CALD1: variants seen among roughly 807,000 people sequenced by gnomAD.
CALD1 encodes the protein caldesmon.
A neutral mutation model predicts 99.9 loss-of-function variants in CALD1; 33 were observed. The ratio of observed to expected loss-of-function variants is 0.33; its 90% CI spans 0.25 to 0.44. The LOEUF is 0.44. Among genes scored for constraint, CALD1 ranks in the 20% least tolerant of loss-of-function variants. The pLI, the probability that CALD1 is intolerant of heterozygous loss-of-function variation, is 1.00. For synonymous variants in CALD1, 310 were observed against 325.0 expected (o/e 0.95, Z 0.50); for missense variants, 861 against 962.1 (o/e 0.89, Z 1.39).
At chr7:134,756,976 C>T (rs1054214875) in intron 1 of CALD1, among the ~76,000 whole-genome samples, 9 of 152,140 alleles carry the variant, frequency 5.9e-5, no homozygotes, top group African/African-American at 2.2e-4. Flanking sequence ...TTTTTCTAGG[C>T]ACTTTACTGA....
chr7:134,846,379 TG>T (rs1799854183), intron 2 of CALD1, among the ~76,000 whole-genome samples: 1 of 152,182 alleles, frequency 6.6e-6, no homozygotes, highest in African/African-American at 2.4e-5. Context: ...AGGGTTTCCC[TG>T]CCAGACCAGA....
chr7:134,960,087 C>T lies in CALD1; in HGVS notation c.2175C>T (p.Pro725=), dbSNP rs755376761. 31 of 1,614,010 alleles carry T rather than the reference C, an allele frequency of 1.9e-5. No individual in the cohort carries two copies. The highest frequency in any genetic ancestry group is 2.5e-5 in the Non-Finnish European group (30 of 1,179,994). The stretch of plus-strand genomic sequence containing the variant: ...AGAAAGGGAATGTGTTTTCATCCCC[C>T]ACTGCAGCAGGCACACCAAATAAGG... ...MWEKGNVFSS[P]TAAGTPNKET... is the part of the protein sequence containing the mutation. The change falls in exon 12 of 15, where the codon CCC becomes CCT. Residue 725 remains proline, a synonymous_variant. Transcript: ENST00000361675.
chr7:134,718,619 TATG>T, the CALD1 span, among the ~76,000 whole-genome samples: 1 of 152,178 alleles, frequency 6.6e-6, no homozygotes, highest in African/African-American at 2.4e-5. Flanking sequence ...AAAGGCTTGT[TATG>T]CATTAAAAAT....
intron 3 of CALD1, among the ~76,000 whole-genome samples, chr7:134,886,592 G>A (rs570161713): frequency 6.6e-6 from 1 of 152,314 alleles, no homozygotes; most frequent in African/African-American, 2.4e-5. Flanking sequence ...GTTATAGTCA[G>A]GCTGATATTA....
chr7:134,835,039 C>CCT (rs1312169851), intron 1 of CALD1, among the ~76,000 whole-genome samples: 6 of 152,248 alleles, frequency 3.9e-5, no homozygotes, highest in Admixed American at 3.9e-4. Flanking sequence ...AGTGCAAAGG[C>CCT]CTCTGTATCT....
At chr7:134,746,203 G>T (rs769402559) in intron 1 of CALD1, among the ~76,000 whole-genome samples, 3 of 152,104 alleles carry the variant, frequency 2.0e-5, no homozygotes, top group South Asian at 4.1e-4. Flanking sequence ...GATGCCTTTG[G>T]GAGGTGACTA....
chr7:134,795,750 A>G (rs1406268587), intron 1 of CALD1, among the ~76,000 whole-genome samples: 2 of 152,112 alleles, frequency 1.3e-5, no homozygotes, highest in African/African-American at 4.8e-5. Context: ...ATGGTGGCCT[A>G]TAGCTCTCTT....
chr7:134,823,974 G>C (rs1259584539), intron 1 of CALD1, among the ~76,000 whole-genome samples: 1 of 152,124 alleles, frequency 6.6e-6, no homozygotes, highest in Non-Finnish European at 1.5e-5. Context: ...AGAATTTTCA[G>C]AACATTACCA....
At chr7:134,872,925 G>A (rs776282147) in intron 3 of CALD1, among the ~76,000 whole-genome samples, 9 of 152,206 alleles carry the variant, frequency 5.9e-5, no homozygotes, top group South Asian at 4.2e-4. Context: ...GCTCACTCCC[G>A]TAATCCCAGC....
At chr7:134,951,061 C>T (rs1807301106) in intron 9 of CALD1, among the ~76,000 whole-genome samples, 3 of 152,190 alleles carry the variant, frequency 2.0e-5, no homozygotes, top group Admixed American at 2.0e-4. Context: ...GGCACCTTCT[C>T]CCTGTGTCCT....
At chr7:134,794,822 T>C (rs1027958706) in intron 1 of CALD1, among the ~76,000 whole-genome samples, 8 of 152,224 alleles carry the variant, frequency 5.3e-5, no homozygotes, top group African/African-American at 1.9e-4. Flanking sequence ...GGCAACAAGA[T>C]AGAATAAATA....
the CALD1 span, among the ~76,000 whole-genome samples, chr7:134,733,933 A>G: frequency 6.6e-6 from 1 of 151,350 alleles, no homozygotes; most frequent in Non-Finnish European, 1.5e-5. Flanking sequence ...TTTGTATAAT[A>G]TAACTTATAT....
chr7:134,948,612 A>G (rs938177991), intron 8 of CALD1, among the ~76,000 whole-genome samples: 5 of 151,958 alleles, frequency 3.3e-5, no homozygotes, highest in African/African-American at 1.2e-4. Flanking sequence ...CAGTAAGGAG[A>G]CCCCGCTTTT....
chr7:134,882,819 C>T (rs1283756839), intron 3 of CALD1, among the ~76,000 whole-genome samples: 1 of 151,922 alleles, frequency 6.6e-6, no homozygotes, highest in African/African-American at 2.4e-5. Flanking sequence ...AATGGTTTTC[C>T]AATATTGGGA....
the CALD1 span, among the ~76,000 whole-genome samples, chr7:134,721,137 T>C: frequency 6.6e-6 from 1 of 152,184 alleles, no homozygotes; most frequent in Admixed American, 6.5e-5. Flanking sequence ...GTGGCCTCCC[T>C]GTGTCCCCCA....
In CALD1 at chr7:134,920,750, A is replaced by G. The variant is rs996126214; in HGVS notation, c.72-8004A>G. ...GTTACTATGAATTCAAAAATGGTGA[A>G]CTTCAATAGCATTCATTCTGTCAGA... On this transcript the variant is annotated intron_variant, in intron 3 of 14. Coordinates refer to ENST00000361675, the MANE Select transcript of CALD1 (RefSeq NM_033138.4). The G allele has an allele frequency of 1.1e-5, 12 of 1,050,868 alleles. No homozygotes were observed. The African/African-American group carries it at 2.0e-4, about 17-fold the overall frequency. The allele number at this position is 1,050,868 out of a possible 1,614,324, so 65.1% of individuals were successfully genotyped here. A position where few individuals can be genotyped will look rare whatever the true frequency, so the allele number is the denominator to read the frequency against.
At chr7:134,891,653 C>A (rs1802187418) in intron 3 of CALD1, 3 of 1,607,988 alleles carry the variant, frequency 1.9e-6, no homozygotes, top group Non-Finnish European at 2.5e-6. Flanking sequence ...ATGGAAGACG[C>A]AGCCTGGCCG....
At position 134,968,393 on chromosome 7, in the gene CALD1, T is replaced by C. The variant is rs531574300; in HGVS notation, c.*48T>C. On this transcript the variant is annotated 3_prime_UTR_variant, in exon 15 of 15. Transcript: ENST00000361675. ...GCTCAAGACGCAGGACGAGCTCAGT[T>C]GTAGAGGGCTAATTCGCTCTGTTTT... is the stretch of plus-strand genomic sequence containing the variant. 1.1e-5 allele frequency: 17 copies of C among 1,569,034 alleles called. No homozygotes were observed. In the East Asian group the frequency reaches 3.6e-4, roughly 33 times the overall value.
At chr7:134,877,040 C>T (rs1020286479) in intron 3 of CALD1, among the ~76,000 whole-genome samples, 6 of 152,170 alleles carry the variant, frequency 3.9e-5, no homozygotes, top group South Asian at 2.1e-4. Context: ...AAATGGCCAT[C>T]GAAACAGTTC....
Sources: allele counts gnomAD v4.1 joint callset (sites outside exome capture counted in the v4.1 genomes callset), GRCh38; gene constraint gnomAD v4.1.1; transcripts MANE v1.5; gene names NCBI Gene and HGNC (gene_info 2026-07-23, HGNC 2026-07-21).